Variants in ATM observed in about 807,000 individuals in gnomAD.
ATM encodes ATM serine/threonine kinase, also known as serine-protein kinase ATM.
Under a neutral mutation model 387.0 loss-of-function variants are expected in ATM, and 308 were observed. That is an observed-to-expected ratio of 0.80 (90% CI 0.73 to 0.87). ATM has a LOEUF of 0.87. Among genes scored for constraint, ATM ranks in the 40% least tolerant of loss-of-function variants. The pLI, the probability that ATM is intolerant of heterozygous loss-of-function variation, is 0.00. For synonymous variants in ATM, 1,156 were observed against 1,187.3 expected, an observed-to-expected ratio of 0.97 and a Z score of 0.54; for missense variants, 3,312 against 3,560.9, an observed-to-expected ratio of 0.93 and a Z score of 1.78.
Position 108,240,032 on chromosome 11 carries a change from A to C in ATM, c.497-3921A>C, listed in dbSNP as rs931698432. Among the ~76,000 whole-genome samples the C allele has an allele frequency of 5.3e-5, 8 of 152,226 alleles. 1 individual carries two copies. In the South Asian group the frequency reaches 1.0e-3, roughly 20 times the overall value. On this transcript the variant is annotated intron_variant, in intron 5 of 62. Coordinates refer to ENST00000675843, the MANE Select transcript of ATM (RefSeq NM_000051.4). ...AGTGGAAAGTCCACTGGACACACAC[A>C]GCATGCCCTACTGTCAACATCTTGC...
At chr11:108,349,534 G>A (rs1047837054) in intron 59 of ATM, among the ~76,000 whole-genome samples, 2 of 152,124 alleles carry the variant, frequency 1.3e-5, no homozygotes, top group Non-Finnish European at 2.9e-5. Flanking sequence ...GAGGTGGTGG[G>A]CACCTGTAGT....
chr11:108,354,507 G>A (rs554997647), intron 60 of ATM, among the ~76,000 whole-genome samples: 1 of 152,330 alleles, frequency 6.6e-6, no homozygotes, highest in East Asian at 1.9e-4. Context: ...TGCAGTCAGT[G>A]TAAACTAATA....
intron 5 of ATM, among the ~76,000 whole-genome samples, chr11:108,239,766 A>G (rs997176346): frequency 6.6e-6 from 1 of 152,206 alleles, no homozygotes; most frequent in African/African-American, 2.4e-5. Context: ...AGCAGCCCAC[A>G]AGGGTTCCAG....
chr11:108,361,332 TG>T (rs1441031969), intron 61 of ATM, among the ~76,000 whole-genome samples: 156 of 147,762 alleles, frequency 1.1e-3, no homozygotes, highest in Non-Finnish European at 1.9e-3. Flanking sequence ...TCCATGCTCA[TG>T]GGTAGGAAGA....
intron 30 of ATM, 30 bp downstream of exon 30, chr11:108,292,823 A>C (rs1463164552): frequency 4.4e-6 from 7 of 1,605,328 alleles, no homozygotes; most frequent in Non-Finnish European, 6.0e-6. Context: ...TCAAAATGGT[A>C]TTTAAAATAT....
chr11:108,294,886 A>G (rs1329064493), intron 31 of ATM, 41 bp from the exon 32 acceptor site: 2 of 1,610,412 alleles, frequency 1.2e-6, no homozygotes, highest in East Asian at 4.5e-5. Flanking sequence ...TCACAGGCTT[A>G]ACCAATACGT....
intron 35 of ATM, among the ~76,000 whole-genome samples, chr11:108,302,030 A>G (rs1402158866): frequency 6.6e-6 from 1 of 152,074 alleles, no homozygotes; most frequent in Non-Finnish European, 1.5e-5. Context: ...GGGGGAGGGG[A>G]AATTCTTAAA....
At chr11:108,250,141 A>AATAT (rs10612272) in intron 9 of ATM, among the ~76,000 whole-genome samples, 126 of 146,538 alleles carry the variant, frequency 8.6e-4, no homozygotes, top group Non-Finnish European at 1.5e-3. Context: ...AATATTGCTA[A>AATAT]ATATATATAT....
At chr11:108,354,248 A>C (rs1458736781) in intron 60 of ATM, among the ~76,000 whole-genome samples, 1 of 152,168 alleles carries the variant, frequency 6.6e-6, no homozygotes, top group African/African-American at 2.4e-5. Flanking sequence ...CCCATGTAAC[A>C]TACATACTGT....
intron 24 of ATM, among the ~76,000 whole-genome samples, chr11:108,281,883 T>C (rs2082253352): frequency 6.6e-6 from 1 of 152,210 alleles, no homozygotes. Context: ...TACAAATACA[T>C]TACCTAATAA....
chr11:108,282,963 A>T (rs2082313374), intron 25 of ATM, 84 bp downstream of exon 25: 1 of 865,892 alleles, frequency 1.2e-6, no homozygotes, highest in African/African-American at 1.7e-5. Context: ...CCAGCAACAC[A>T]CATACCATAC....
chr11:108,326,894 C>T (rs188339769), intron 47 of ATM, among the ~76,000 whole-genome samples: 208 of 152,240 alleles, frequency 1.4e-3, no homozygotes, highest in African/African-American at 4.1e-3. Flanking sequence ...GGTACGACAT[C>T]GGCTCACCGC....
chr11:108,276,837 G>A (rs1184542840), intron 22 of ATM, among the ~76,000 whole-genome samples: 1 of 152,154 alleles, frequency 6.6e-6, no homozygotes, highest in Non-Finnish European at 1.5e-5. Flanking sequence ...CAGGAGGCAC[G>A]GGGGTCAGGG....
chr11:108,258,349 C>G (rs1311995717), intron 15 of ATM, among the ~76,000 whole-genome samples: 1 of 152,154 alleles, frequency 6.6e-6, no homozygotes, highest in Non-Finnish European at 1.5e-5. Context: ...CTTTTATATA[C>G]AACCATATAG....
At chr11:108,329,641 G>A (rs1802513896) in intron 49 of ATM, among the ~76,000 whole-genome samples, 1 of 152,100 alleles carries the variant, frequency 6.6e-6, no homozygotes. Flanking sequence ...AAACTCATGG[G>A]CTCAAACGAT....
Position 108,292,752 on chromosome 11 carries a change from C to T in ATM, c.4570C>T (p.Leu1524Phe), listed in dbSNP as rs780603110. ...ENHLHVIVGT[L>F]IPLVYEQVEV... is the part of the protein sequence containing the mutation. Reference sequence around the variant, plus strand: ...CCATCTTCATGTTATTGTTGGTACACTTATACCCCTTGTGTATGAGCAGGT... The same window carrying T: ...CCATCTTCATGTTATTGTTGGTACATTTATACCCCTTGTGTATGAGCAGGT... Residue 1524 changes from leucine (L) to phenylalanine (F), a missense_variant, in exon 30 of 63, where the codon CTT becomes TTT. This residue lies in a region of ATM where 1,791 missense variants were observed against 1,804.5 expected (regional missense o/e 0.99). Transcript: ENST00000675843. The T allele has an allele frequency of 4.3e-6, 7 of 1,614,036 alleles. No individual in the cohort carries two copies. Among genetic ancestry groups the T allele is most frequent in the Non-Finnish European group, 5.9e-6 (7 of 1,179,964 alleles).
At chr11:108,298,751 CTG>C (rs1410232798) in intron 33 of ATM, among the ~76,000 whole-genome samples, 1 of 152,156 alleles carries the variant, frequency 6.6e-6, no homozygotes, top group African/African-American at 2.4e-5. Flanking sequence ...GTAAAACTAT[CTG>C]TATTTACAGA....
At chr11:108,312,066 G>C (rs1456112215) in intron 39 of ATM, among the ~76,000 whole-genome samples, 2 of 152,156 alleles carry the variant, frequency 1.3e-5, no homozygotes, top group African/African-American at 4.8e-5. Context: ...TTGTGTGTCT[G>C]TAATTATTGA....
At chr11:108,246,601 A>G (rs945885977) in intron 7 of ATM, among the ~76,000 whole-genome samples, 1 of 152,220 alleles carries the variant, frequency 6.6e-6, no homozygotes, top group African/African-American at 2.4e-5. Flanking sequence ...CACTAGTTGA[A>G]GGAACTCGTA....
Sources: allele counts gnomAD v4.1 joint callset (sites outside exome capture counted in the v4.1 genomes callset), GRCh38; gene constraint gnomAD v4.1.1; regional missense constraint gnomAD v4.1.1; transcripts MANE v1.5; gene names NCBI Gene and HGNC (gene_info 2026-07-23, HGNC 2026-07-21).